Variants in PCDHGB6 observed in about 807,000 individuals in gnomAD.
PCDHGB6 encodes the protein protocadherin gamma subfamily B, 6.
Under a neutral mutation model 59.1 loss-of-function variants are expected in PCDHGB6, and 51 were observed. The observed-to-expected ratio is 0.86, with a 90% confidence interval of 0.69 to 1.09. The LOEUF (loss-of-function observed/expected upper bound fraction) is 1.09. Ranked by LOEUF, PCDHGB6 falls within the 50% of genes least tolerant of loss-of-function variation. PCDHGB6 has a pLI of 0.00. For synonymous variants in PCDHGB6, 466 were observed against 495.1 expected, an observed-to-expected ratio of 0.94 and a Z score of 0.78; for missense variants, 1,148 against 1,205.1, an observed-to-expected ratio of 0.95 and a Z score of 0.70.
intron 1 of PCDHGB6, among the ~76,000 whole-genome samples, chr5:141,467,665 G>T (rs1205474808): frequency 4.6e-5 from 7 of 152,040 alleles, no homozygotes; most frequent in Non-Finnish European, 1.0e-4. Flanking sequence ...AGTGCCAGAA[G>T]ATTTTTATTT....
chr5:141,429,416 T>C (rs527999196), intron 1 of PCDHGB6, among the ~76,000 whole-genome samples: 1 of 152,230 alleles, frequency 6.6e-6, no homozygotes, highest in Admixed American at 6.5e-5. Flanking sequence ...GGTCTCATTA[T>C]GTTGCCCAGG....
Position 141,489,323 on chromosome 5 carries a change from C to T in PCDHGB6, c.2419-5484C>T, listed in dbSNP as rs746520513. 1 of 1,601,632 alleles carries T rather than the reference C, an allele frequency of 6.2e-7. No individual in the cohort carries two copies. Among genetic ancestry groups the T allele is most frequent in the Non-Finnish European group, 8.5e-7 (1 of 1,172,950 alleles). ...TCCTTGTGCTGCTGGGGCTGGGTGT[C>T]TGGGCAGCTTCGTTACTCAGTGGTG... On this transcript the variant is annotated intron_variant, in intron 1 of 3. Coordinates refer to ENST00000520790, the MANE Select transcript of PCDHGB6 (RefSeq NM_018926.3). The surrounding 1 kb of genome is among the most constrained non-coding windows in gnomAD (Gnocchi z 4.5).
At position 141,408,985 on chromosome 5, in the gene PCDHGB6, G is replaced by A; in HGVS notation, c.783G>A (p.Val261=). Residue 261 remains valine, a synonymous_variant, in exon 1 of 4, where the codon GTG becomes GTA. Coordinates refer to ENST00000520790, the MANE Select transcript of PCDHGB6 (RefSeq NM_018926.3). The part of the protein sequence containing the change: ...LSENLPPGSP[V]LQVTATDQDE... ...AAAATCTGCCCCCTGGGTCCCCTGT[G>A]TTGCAAGTGACAGCCACTGACCAGG... The A allele has an allele frequency of 6.2e-7, 1 of 1,613,966 alleles. No individual in the cohort carries two copies. Among genetic ancestry groups the A allele is most frequent in the South Asian group, 1.1e-5 (1 of 91,076 alleles).
At position 141,489,207 on chromosome 5, in the gene PCDHGB6, A is replaced by T; in HGVS notation, c.2419-5600A>T. The T allele has an allele frequency of 6.9e-7, 1 of 1,452,692 alleles. No homozygotes were observed. The highest frequency in any genetic ancestry group is 9.3e-7 in the Non-Finnish European group (1 of 1,073,586). 90.0% of individuals were successfully genotyped at this position (1,452,692 alleles called of 1,614,324 possible). ...GGGTCTACCTTGGAGACAGGACAGC[A>T]CAGACTTACTCTCCACAAAGGGACT... On this transcript the variant is annotated intron_variant, in intron 1 of 3. Transcript: ENST00000520790. The surrounding 1 kb of genome is among the most constrained non-coding windows in gnomAD (Gnocchi z 4.5).
chr5:141,449,475 C>T (rs1351574160), intron 1 of PCDHGB6, among the ~76,000 whole-genome samples: 8 of 150,696 alleles, frequency 5.3e-5, no homozygotes, highest in African/African-American at 1.9e-4. Flanking sequence ...GGCCTGGTAC[C>T]CCATGCCTAA....
Position 141,408,214 on chromosome 5 carries a change from C to G in PCDHGB6, c.12C>G (p.Ser4Arg), listed in dbSNP as rs1225368283. 1.3e-6 allele frequency: 2 copies of G among 1,555,192 alleles called. No individual in the cohort carries two copies. Among genetic ancestry groups the G allele is most frequent in the Admixed American group, 2.0e-5 (1 of 51,170 alleles). The stretch of plus-strand genomic sequence containing the variant: ...AACCCGAGCGAACGATGGGAGGGAG[C>G]TGCGCGCAGAGGCGCCGGGCCGGCC... The part of the protein sequence containing the change: MGG[S>R]CAQRRRAGPR... Residue 4 changes from serine (S) to arginine (R), a missense_variant, in exon 1 of 4, where the codon AGC becomes AGG. Physicochemically the swap from Ser to Arg is moderately radical, Grantham distance 110. Transcript: ENST00000520790.
chr5:141,409,633 TG>T lies in PCDHGB6; in HGVS notation c.1432del (p.Asp478ThrfsTer14). On this transcript the variant is annotated frameshift_variant, in exon 1 of 4. Coordinates refer to ENST00000520790, the MANE Select transcript of PCDHGB6 (RefSeq NM_018926.3). LOFTEE classifies it high-confidence loss of function. ...GASIAQVSASDPDLGLNGHIS... is the reference protein window; with the variant it reads ...GASIAQVSASXPDLGLNGHIS... ...CCTCCATTGCGCAAGTGAGCGCCTC[TG>T]ACCCGGATTTGGGGCTCAATGGCCA... The T allele has an allele frequency of 6.2e-7, 1 of 1,613,852 alleles. No individual in the cohort carries two copies. Among genetic ancestry groups the T allele is most frequent in the Non-Finnish European group, 8.5e-7 (1 of 1,179,900 alleles).
At chr5:141,507,120 T>TA (rs1256499995) in intron 3 of PCDHGB6, 2 of 152,206 alleles carry the variant, frequency 1.3e-5, no homozygotes, top group African/African-American at 4.8e-5. Context: ...TGGCTGCCTT[T>TA]GGATCCAGCC....
intron 1 of PCDHGB6, chr5:141,422,195 A>G: frequency 6.4e-7 from 1 of 1,562,278 alleles, no homozygotes; most frequent in African/African-American, 1.4e-5. Flanking sequence ...ATTCAAGGCC[A>G]AGATGGTGGA....
intron 1 of PCDHGB6, among the ~76,000 whole-genome samples, chr5:141,445,902 T>C (rs1022574381): frequency 3.9e-5 from 6 of 152,186 alleles, no homozygotes; most frequent in Non-Finnish European, 8.8e-5. Context: ...TTAAAATATT[T>C]TAAACAAGGC....
chr5:141,450,937 A>G (rs1011608521), intron 1 of PCDHGB6, among the ~76,000 whole-genome samples: 1 of 148,134 alleles, frequency 6.8e-6, no homozygotes, highest in African/African-American at 2.5e-5. Flanking sequence ...CAATTCTCCT[A>G]CCTCAGCCTC....
chr5:141,499,763 T>C (rs2099794343), intron 2 of PCDHGB6, among the ~76,000 whole-genome samples: 1 of 148,434 alleles, frequency 6.7e-6, no homozygotes, highest in African/African-American at 2.5e-5. Flanking sequence ...CTCAGCTCAC[T>C]GCAGCCTTCG....
At chr5:141,454,313 G>A (rs986902404) in intron 1 of PCDHGB6, among the ~76,000 whole-genome samples, 1 of 152,296 alleles carries the variant, frequency 6.6e-6, no homozygotes, top group Non-Finnish European at 1.5e-5. Context: ...TCAAAGCATT[G>A]AAACCTCCAA....
chr5:141,487,968 T>C lies in PCDHGB6; in HGVS notation c.2419-6839T>C, dbSNP rs2099670029. Among the ~76,000 whole-genome samples the C allele has an allele frequency of 6.6e-6, 1 of 152,236 alleles. No individual in the cohort carries two copies. The highest frequency in any genetic ancestry group is 1.5e-5 in the Non-Finnish European group (1 of 68,050). On this transcript the variant is annotated intron_variant, in intron 1 of 3. Transcript: ENST00000520790. This position sits in a 1 kb window ranked among gnomAD's most constrained non-coding sequence, Gnocchi z 5.0. The stretch of plus-strand genomic sequence containing the variant: ...AGGCAGTCACTTGGACAAAGGTGGC[T>C]GTTTTCTCTACTCTTCCTGAAAGAG...
At chr5:141,495,255 G>A (rs1055329757) in intron 2 of PCDHGB6, among the ~76,000 whole-genome samples, 5 of 152,212 alleles carry the variant, frequency 3.3e-5, no homozygotes, top group African/African-American at 1.2e-4. Flanking sequence ...GGCTCAGGCA[G>A]AAAAGCATTT....
chr5:141,507,578 C>T (rs1268451710), intron 3 of PCDHGB6, among the ~76,000 whole-genome samples: 1 of 152,220 alleles, frequency 6.6e-6, no homozygotes, highest in East Asian at 1.9e-4. Context: ...GAGGAGATGC[C>T]AAGTTGGCCT....
chr5:141,420,769 C>T (rs2096524721), intron 1 of PCDHGB6, among the ~76,000 whole-genome samples: 1 of 152,212 alleles, frequency 6.6e-6, no homozygotes, highest in Admixed American at 6.5e-5. Flanking sequence ...AAGTTTTCAG[C>T]TCCAGTAATA....
rs146748846 is a variant in PCDHGB6 at position 141,452,937 on chromosome 5, G to C, written c.2419-41870G>C. 4.0e-4 allele frequency among the ~76,000 whole-genome samples: 61 copies of C among 152,254 alleles called. No individual in the cohort carries two copies. The East Asian group carries it at 0.01, about 26-fold the overall frequency. On this transcript the variant is annotated intron_variant, in intron 1 of 3. Coordinates refer to ENST00000520790, the MANE Select transcript of PCDHGB6 (RefSeq NM_018926.3). The stretch of plus-strand genomic sequence containing the variant: ...AGTAAGAAAGAGCTGCTGAAGATTT[G>C]CTTGCAATTGGTTGTCTTTAAACTG...
intron 1 of PCDHGB6, chr5:141,422,819 TGA>T (rs766395950): frequency 1.9e-5 from 31 of 1,614,068 alleles, no homozygotes; most frequent in Middle Eastern, 1.6e-4. Flanking sequence ...GACTTAGAAC[TGA>T]GAGTGATAGC....
Sources: allele counts gnomAD v4.1 joint callset (sites outside exome capture counted in the v4.1 genomes callset), GRCh38; gene constraint gnomAD v4.1.1; non-coding constraint Gnocchi (gnomAD v3.1); transcripts MANE v1.5; gene names NCBI Gene and HGNC (gene_info 2026-07-23, HGNC 2026-07-21).